Variants in MACROD2 observed in about 807,000 individuals in gnomAD.
MACROD2 encodes mono-ADP ribosylhydrolase 2, also known as ADP-ribose glycohydrolase MACROD2.
In MACROD2, 36 loss-of-function variants were observed where a neutral mutation model predicts 70.4. The observed-to-expected ratio is 0.51, with a 90% confidence interval of 0.39 to 0.68. The LOEUF (loss-of-function observed/expected upper bound fraction) is 0.68. Ranked by LOEUF, MACROD2 falls within the 30% of genes least tolerant of loss-of-function variation. MACROD2 has a pLI of 0.00. For synonymous variants in MACROD2, 172 were observed against 178.8 expected, an observed-to-expected ratio of 0.96 and a Z score of 0.30; for missense variants, 496 against 538.4, an observed-to-expected ratio of 0.92 and a Z score of 0.78.
At chr20:14,769,368 C>A (rs779752006) in intron 5 of MACROD2, among the ~76,000 whole-genome samples, 2 of 152,072 alleles carry the variant, frequency 1.3e-5, no homozygotes, top group Non-Finnish European at 2.9e-5. Flanking sequence ...GAAATTTGTA[C>A]TACACTTATT....
At chr20:15,893,755 C>A (rs1230805751) in intron 10 of MACROD2, 9 of 456,706 alleles carry the variant, frequency 2.0e-5, no homozygotes, top group South Asian at 1.2e-4. Flanking sequence ...TGGATCCCCA[C>A]CTCCTCCACT....
At chr20:14,594,353 A>G (rs1448509722) in intron 4 of MACROD2, among the ~76,000 whole-genome samples, 3 of 152,210 alleles carry the variant, frequency 2.0e-5, no homozygotes, top group Non-Finnish European at 4.4e-5. Flanking sequence ...TTTATGGTTT[A>G]TTAAAATATG....
intron 8 of MACROD2, among the ~76,000 whole-genome samples, chr20:15,858,967 C>T (rs1295734969): frequency 6.6e-6 from 1 of 152,118 alleles, no homozygotes; most frequent in Non-Finnish European, 1.5e-5. Flanking sequence ...CTTTTGACTC[C>T]CCAGGTACTT....
rs1030357198 is a variant in MACROD2 at position 14,956,968 on chromosome 20, T to G, written c.418+272009T>G. Among the ~76,000 whole-genome samples the G allele has an allele frequency of 2.6e-5, 4 of 152,296 alleles. No individual in the cohort carries two copies. The South Asian group carries it at 8.3e-4, about 32-fold the overall frequency. On this transcript the variant is annotated intron_variant, in intron 5 of 17. Coordinates refer to ENST00000684519, the MANE Select transcript of MACROD2 (RefSeq NM_001351661.2). ...AGATATTTCCTGCCTGCACCATTAC[T>G]TATTTGATATTTTCCTCTAAGCTAA...
chr20:15,085,858 AACAC>A (rs5840651), intron 5 of MACROD2, among the ~76,000 whole-genome samples: 3 of 135,766 alleles, frequency 2.2e-5, no homozygotes, highest in African/African-American at 8.3e-5. Context: ...AAAGATGAAT[AACAC>A]ACACACACAC....
At chr20:14,487,098 C>T (rs73096611) in intron 3 of MACROD2, among the ~76,000 whole-genome samples, 2,622 of 152,222 alleles carry the variant, frequency 0.017, 40 homozygotes, top group Non-Finnish European at 0.025. Context: ...GAACATGGCC[C>T]CAGACCCACA....
chr20:15,161,558 A>C (rs1402082532), intron 5 of MACROD2, among the ~76,000 whole-genome samples: 1 of 152,012 alleles, frequency 6.6e-6, no homozygotes, highest in Non-Finnish European at 1.5e-5. Context: ...AAATATACAA[A>C]GAAGCTGTAA....
chr20:14,667,466 TTTTC>T (rs1336771892), intron 4 of MACROD2, among the ~76,000 whole-genome samples: 1 of 152,286 alleles, frequency 6.6e-6, no homozygotes, highest in East Asian at 1.9e-4. Flanking sequence ...CATTGCATAT[TTTTC>T]TAGGATGAGA....
chr20:15,146,778 T>C (rs1030153865), intron 5 of MACROD2, among the ~76,000 whole-genome samples: 1 of 152,154 alleles, frequency 6.6e-6, no homozygotes, highest in Non-Finnish European at 1.5e-5. Flanking sequence ...ATCTTTTGTT[T>C]TGGAACCATG....
At chr20:14,621,846 G>T (rs528509442) in intron 4 of MACROD2, 1 of 152,124 alleles carries the variant, frequency 6.6e-6, no homozygotes, top group African/African-American at 2.4e-5. Context: ...ATGTTTATAC[G>T]TGACTACCTG....
chr20:15,602,639 C>A (rs901525468), intron 8 of MACROD2, among the ~76,000 whole-genome samples: 12 of 152,082 alleles, frequency 7.9e-5, no homozygotes, highest in Non-Finnish European at 1.5e-4. Flanking sequence ...AAACATCATA[C>A]AAATTGTTCG....
chr20:14,085,510 T>C (rs1049185378), intron 2 of MACROD2, 111 bp from the exon 3 acceptor site: 2 of 501,966 alleles, frequency 4.0e-6, no homozygotes, highest in Non-Finnish European at 6.7e-6. Flanking sequence ...ACTTGTTTTT[T>C]GTAGTAGAGC....
intron 5 of MACROD2, among the ~76,000 whole-genome samples, chr20:14,916,423 C>A (rs1211768362): frequency 6.6e-6 from 1 of 152,170 alleles, no homozygotes; most frequent in Non-Finnish European, 1.5e-5. Context: ...AAAATCCAGG[C>A]TCTGCCAGTT....
At chr20:14,980,072 A>G (rs1323447050) in intron 5 of MACROD2, among the ~76,000 whole-genome samples, 7 of 152,120 alleles carry the variant, frequency 4.6e-5, no homozygotes, top group Non-Finnish European at 1.0e-4. Context: ...TGTAAGTATT[A>G]CCATATTTAA....
intron 3 of MACROD2, among the ~76,000 whole-genome samples, chr20:14,377,144 G>A (rs2083379533): frequency 6.6e-6 from 1 of 152,078 alleles, no homozygotes; most frequent in Non-Finnish European, 1.5e-5. Flanking sequence ...CAATCTCAGA[G>A]TGCTTGTGAG....
At chr20:15,865,974 A>G (rs2064487267) in intron 9 of MACROD2, among the ~76,000 whole-genome samples, 1 of 152,214 alleles carries the variant, frequency 6.6e-6, no homozygotes, top group African/African-American at 2.4e-5. Context: ...CATGATCAGC[A>G]GTTGTGGAGT....
At chr20:15,397,999 T>C (rs2045881939) in intron 6 of MACROD2, among the ~76,000 whole-genome samples, 2 of 152,300 alleles carry the variant, frequency 1.3e-5, no homozygotes, top group Middle Eastern at 3.4e-3. Flanking sequence ...AGAACACAGA[T>C]AGCTCTTTTC....
chr20:15,656,299 A>C (rs1392492113), intron 8 of MACROD2, among the ~76,000 whole-genome samples: 2 of 152,190 alleles, frequency 1.3e-5, no homozygotes, highest in Non-Finnish European at 2.9e-5. Flanking sequence ...AGGCTGTATG[A>C]ATTCCAGAGT....
At chr20:15,604,355 T>A (rs2048864642) in intron 8 of MACROD2, among the ~76,000 whole-genome samples, 1 of 152,234 alleles carries the variant, frequency 6.6e-6, no homozygotes, top group African/African-American at 2.4e-5. Context: ...TCAGTTTTTT[T>A]ATTTGCCTTT....
Sources: allele counts gnomAD v4.1 joint callset (sites outside exome capture counted in the v4.1 genomes callset), GRCh38; gene constraint gnomAD v4.1.1; transcripts MANE v1.5; gene names NCBI Gene and HGNC (gene_info 2026-07-23, HGNC 2026-07-21).